The following MEMO1 variants were observed in gnomAD, a reference collection of about 807,000 sequenced individuals.
MEMO1 encodes protein MEMO1.
A neutral mutation model predicts 45.2 loss-of-function variants in MEMO1; 6 were observed. The observed-to-expected ratio is 0.13, with a 90% CI of 0.07 to 0.26. MEMO1 has a LOEUF of 0.26. Ranked by LOEUF, MEMO1 falls within the 10% of genes least tolerant of loss-of-function variation. The pLI is 1.00. For synonymous variants in MEMO1, 78 were observed against 124.3 expected, an observed-to-expected ratio of 0.63 and a Z score of 2.48; for missense variants, 184 against 370.5, an observed-to-expected ratio of 0.50 and a Z score of 4.13.
At chr2:31,974,460 T>C (rs141858738) in intron 2 of MEMO1, among the ~76,000 whole-genome samples, 3 of 152,278 alleles carry the variant, frequency 2.0e-5, no homozygotes, top group African/African-American at 7.2e-5. Context: ...AATTAAAACA[T>C]TTGCGGCCGG....
At chr2:31,906,409 C>T (rs1005984948) in intron 6 of MEMO1, among the ~76,000 whole-genome samples, 86 of 152,022 alleles carry the variant, frequency 5.7e-4, no homozygotes, top group Admixed American at 5.6e-3. Flanking sequence ...CTGCAACCTC[C>T]GCCTCCCAAG....
At chr2:31,933,227 G>A (rs1416978641) in intron 3 of MEMO1, among the ~76,000 whole-genome samples, 3 of 147,728 alleles carry the variant, frequency 2.0e-5, no homozygotes, top group East Asian at 4.0e-4. Flanking sequence ...GGCTGAGGCA[G>A]GAGGATTGCT....
At chr2:31,913,943 T>C (rs1681026166) in intron 6 of MEMO1, among the ~76,000 whole-genome samples, 2 of 152,270 alleles carry the variant, frequency 1.3e-5, no homozygotes, top group Non-Finnish European at 2.9e-5. Context: ...GAGGCATAAG[T>C]GATGCTGTGC....
intron 8 of MEMO1, among the ~76,000 whole-genome samples, chr2:31,881,319 G>A (rs752949346): frequency 7.9e-5 from 12 of 151,204 alleles, no homozygotes; most frequent in Non-Finnish European, 1.8e-4. Flanking sequence ...GCGAAACCTC[G>A]TCTCTACAAA....
intron 3 of MEMO1, among the ~76,000 whole-genome samples, chr2:31,937,914 G>A (rs1411142720): frequency 6.6e-6 from 1 of 152,160 alleles, no homozygotes; most frequent in Non-Finnish European, 1.5e-5. Context: ...TTTCTGCATA[G>A]TGCAAGACAA....
At position 31,910,439 on chromosome 2, in the gene MEMO1, A is replaced by T. The variant is rs775430382; in HGVS notation, c.437+7487T>A. 5.3e-5 allele frequency among the ~76,000 whole-genome samples: 8 copies of T among 152,340 alleles called. No homozygotes were observed. The South Asian group carries it at 1.7e-3, about 32-fold the overall frequency. ...TTTGTTCAAATTAATAAAAGCAGCA[A>T]TGTATTTGGTGATTATAGCTTATGG... On this transcript the variant is annotated intron_variant, in intron 6 of 9. Coordinates refer to ENST00000404530, the MANE Select transcript of MEMO1 (RefSeq NM_001301833.4).
At chr2:32,002,737 G>C (rs186757839) in intron 2 of MEMO1, among the ~76,000 whole-genome samples, 2 of 152,220 alleles carry the variant, frequency 1.3e-5, no homozygotes, top group Admixed American at 6.5e-5. Flanking sequence ...TATACTTAAT[G>C]AAAGTTTTTG....
intron 2 of MEMO1, among the ~76,000 whole-genome samples, chr2:31,977,683 C>T (rs1670169381): frequency 6.6e-6 from 1 of 151,950 alleles, no homozygotes; most frequent in South Asian, 2.1e-4. Flanking sequence ...CCACCGCCAC[C>T]ACCACGCCTG....
chr2:31,994,328 C>T (rs2148561321), intron 2 of MEMO1, among the ~76,000 whole-genome samples: 1 of 151,824 alleles, frequency 6.6e-6, no homozygotes, highest in East Asian at 1.9e-4. Context: ...TGTCTGGCAT[C>T]CAATAAAAAT....
At chr2:31,973,024 G>A (rs987316472) in intron 2 of MEMO1, among the ~76,000 whole-genome samples, 10 of 152,176 alleles carry the variant, frequency 6.6e-5, no homozygotes, top group African/African-American at 2.2e-4. Context: ...CTAAGAGACA[G>A]ACTAGAATCC....
intron 2 of MEMO1, among the ~76,000 whole-genome samples, chr2:31,994,515 G>A (rs908043812): frequency 1.6e-4 from 24 of 150,654 alleles, no homozygotes; most frequent in East Asian, 8.0e-4. Flanking sequence ...CTGCAGTCCC[G>A]GCTACTCAGG....
intron 4 of MEMO1, among the ~76,000 whole-genome samples, chr2:31,928,670 T>G (rs780687264): frequency 6.6e-6 from 1 of 152,154 alleles, no homozygotes; most frequent in Non-Finnish European, 1.5e-5. Flanking sequence ...TGTAATCATT[T>G]TTGCACAAAT....
At chr2:31,878,802 A>T (rs921712599) in intron 8 of MEMO1, among the ~76,000 whole-genome samples, 1 of 34,802 alleles carries the variant, frequency 2.9e-5, no homozygotes, top group African/African-American at 1.3e-4. Context: ...AAAAAAGACA[A>T]TTTTAATGAC....
intron 2 of MEMO1, chr2:31,963,177 G>C: frequency 1.3e-6 from 2 of 1,542,756 alleles, no homozygotes; most frequent in Non-Finnish European, 1.8e-6. Flanking sequence ...CGCACCGTCA[G>C]CTCTCCTGGG....
intron 7 of MEMO1, among the ~76,000 whole-genome samples, chr2:31,889,092 T>G (rs928257427): frequency 6.6e-6 from 1 of 152,238 alleles, no homozygotes; most frequent in African/African-American, 2.4e-5. Context: ...CTGGAATATC[T>G]CTATCACCAA....
intron 2 of MEMO1, among the ~76,000 whole-genome samples, chr2:31,969,588 T>TGTGTGG (rs1558541995): frequency 6.0e-5 from 1 of 16,582 alleles, no homozygotes; most frequent in Non-Finnish European, 1.5e-4. Flanking sequence ...TGTGTGTGGG[T>TGTGTGG]GTGTGTGTGT....
intron 7 of MEMO1, among the ~76,000 whole-genome samples, chr2:31,890,757 C>T (rs139259614): frequency 6.6e-6 from 1 of 152,086 alleles, no homozygotes; most frequent in Admixed American, 6.5e-5. Flanking sequence ...CCATCCTGTG[C>T]CACTGCAGGA....
intron 2 of MEMO1, among the ~76,000 whole-genome samples, chr2:31,978,429 G>A (rs1444486088): frequency 1.3e-5 from 2 of 152,128 alleles, no homozygotes; most frequent in East Asian, 3.9e-4. Flanking sequence ...GCAAATGCCT[G>A]GCATATAGTA....
chr2:32,003,463 T>G (rs1460402478), intron 2 of MEMO1, among the ~76,000 whole-genome samples: 1 of 152,172 alleles, frequency 6.6e-6, no homozygotes, highest in Non-Finnish European at 1.5e-5. Context: ...ACTTGTTACA[T>G]AGGGTATATG....
Sources: gnomAD v4.1 joint callset for allele counts (sites outside exome capture counted in the v4.1 genomes callset) on GRCh38, gnomAD v4.1.1 for gene constraint, MANE v1.5 for transcripts, NCBI Gene and HGNC (gene_info 2026-07-23, HGNC 2026-07-21) for gene names.